The following KRABD5 variants were observed in gnomAD, a reference collection of about 807,000 sequenced individuals.
The protein encoded by KRABD5 is KRAB domain-containing protein 5.
chr16:31,725,886 T>C, the KRABD5 span, among the ~76,000 whole-genome samples: 66 of 152,360 alleles, frequency 4.3e-4, no homozygotes, highest in African/African-American at 1.5e-3. Flanking sequence ...GTATCAGATA[T>C]ATTTTCTCCC....
At chr16:31,734,378 G>A in the KRABD5 span, among the ~76,000 whole-genome samples, 2 of 151,944 alleles carry the variant, frequency 1.3e-5, no homozygotes, top group Admixed American at 6.6e-5. Flanking sequence ...AGCTCCCCAA[G>A]TCGTTAGGAC....
the KRABD5 span, chr16:31,755,176 A>G: frequency 2.1e-6 from 1 of 478,248 alleles, no homozygotes; most frequent in Non-Finnish European, 4.3e-6. Flanking sequence ...GGTCGTACCT[A>G]ACTAAACATC....
At chr16:31,748,775 G>A in the KRABD5 span, among the ~76,000 whole-genome samples, 7 of 152,246 alleles carry the variant, frequency 4.6e-5, no homozygotes, top group African/African-American at 1.7e-4. Flanking sequence ...TGGGGTTTTT[G>A]TGGGAGTTTT....
the KRABD5 span, among the ~76,000 whole-genome samples, chr16:31,733,916 C>T: frequency 6.6e-6 from 1 of 152,142 alleles, no homozygotes; most frequent in Non-Finnish European, 1.5e-5. Context: ...TTTGGATACA[C>T]GGATGTAGTA....
chr16:31,714,559 C>G, the KRABD5 span: 351 of 371,742 alleles, frequency 9.4e-4, 2 homozygotes, highest in African/African-American at 6.7e-3. Context: ...CACCCCACCT[C>G]GATGGACCTG....
At chr16:31,734,234 AC>A in the KRABD5 span, among the ~76,000 whole-genome samples, 1 of 149,320 alleles carries the variant, frequency 6.7e-6, no homozygotes, top group Non-Finnish European at 1.5e-5. Flanking sequence ...CTCTCTTCTA[AC>A]TTTTTTTTTT....
the KRABD5 span, chr16:31,723,358 G>A: frequency 6.2e-7 from 1 of 1,610,542 alleles, no homozygotes; most frequent in Non-Finnish European, 8.5e-7. Context: ...AGCCAGGTAG[G>A]TGGGAGTGAA....
At chr16:31,724,412 G>A in the KRABD5 span, among the ~76,000 whole-genome samples, 1 of 152,066 alleles carries the variant, frequency 6.6e-6, no homozygotes, top group African/African-American at 2.4e-5. Context: ...TGTGGGCCGG[G>A]CGCGGTGGCT....
the KRABD5 span, among the ~76,000 whole-genome samples, chr16:31,715,124 G>A: frequency 4.5e-4 from 69 of 152,148 alleles, no homozygotes; most frequent in Non-Finnish European, 8.8e-5. Flanking sequence ...TTCTTAGGAG[G>A]GGCATAAAGA....
the KRABD5 span, chr16:31,757,202 C>T: frequency 6.6e-6 from 1 of 152,186 alleles, no homozygotes. Flanking sequence ...TGTGGTGGCT[C>T]ACGCCGGTAA....
the KRABD5 span, among the ~76,000 whole-genome samples, chr16:31,748,464 A>G: frequency 3.3e-5 from 5 of 152,092 alleles, no homozygotes; most frequent in African/African-American, 7.2e-5. Flanking sequence ...GTTCCTCTCT[A>G]AACTGTTTAT....
the KRABD5 span, chr16:31,713,563 C>T: frequency 7.4e-7 from 1 of 1,347,166 alleles, no homozygotes. Context: ...GCCCTTGGTC[C>T]CCTCCGCCGC....
chr16:31,736,271 A>G, the KRABD5 span, among the ~76,000 whole-genome samples: 3 of 152,164 alleles, frequency 2.0e-5, no homozygotes, highest in African/African-American at 7.2e-5. Flanking sequence ...CTTTAATGCC[A>G]GTATAATGCT....
the KRABD5 span, among the ~76,000 whole-genome samples, chr16:31,717,759 G>A: frequency 6.6e-6 from 1 of 152,096 alleles, no homozygotes; most frequent in East Asian, 1.9e-4. Flanking sequence ...CAAACACTGA[G>A]AAATGTAAGG....
At chr16:31,723,014 T>C in the KRABD5 span, among the ~76,000 whole-genome samples, 10 of 152,210 alleles carry the variant, frequency 6.6e-5, no homozygotes, top group African/African-American at 2.4e-4. Context: ...TAAACTATCA[T>C]TGCCCACACT....
At chr16:31,744,108 C>T in the KRABD5 span, among the ~76,000 whole-genome samples, 1 of 151,976 alleles carries the variant, frequency 6.6e-6, no homozygotes, top group Admixed American at 6.6e-5. Context: ...ATTTGAATAC[C>T]CTTTATTTCT....
At chr16:31,754,241 T>A in the KRABD5 span, 1 of 649,844 alleles carries the variant, frequency 1.5e-6, no homozygotes, top group Non-Finnish European at 2.7e-6. Context: ...CTAAATATGA[T>A]CAATTTGATG....
At chr16:31,739,389 G>C in the KRABD5 span, among the ~76,000 whole-genome samples, 3 of 151,998 alleles carry the variant, frequency 2.0e-5, no homozygotes, top group Non-Finnish European at 4.4e-5. Flanking sequence ...TTTCTGACCT[G>C]TGAGATTTTT....
the KRABD5 span, among the ~76,000 whole-genome samples, chr16:31,722,064 GTTTTTTGT>G: frequency 8.7e-6 from 1 of 115,256 alleles, no homozygotes; most frequent in Non-Finnish European, 1.7e-5. Flanking sequence ...TTAGTTTTTT[GTTTTTTGT>G]TTTTTTGTTT....
Sources: gnomAD v4.1 joint callset for allele counts (sites outside exome capture counted in the v4.1 genomes callset) on GRCh38, gnomAD v4.1.1 for gene constraint, MANE v1.5 for transcripts, NCBI Gene and HGNC (gene_info 2026-07-23, HGNC 2026-07-21) for gene names.